Variants in CNTLN observed in about 807,000 individuals in gnomAD.
The protein encoded by CNTLN is centlein, also known as centlein, centrosomal protein.
CNTLN carries 212 observed loss-of-function variants against 180.0 expected under a neutral mutation model. The ratio of observed to expected loss-of-function variants is 1.18; its 90% CI spans 1.05 to 1.32. The LOEUF (loss-of-function observed/expected upper bound fraction) is 1.32, where lower values mean the gene tolerates loss of function less well. Ranked by LOEUF, CNTLN falls within the 40% of genes most tolerant of loss-of-function variation. The pLI is 0.00. For synonymous variants in CNTLN, 722 were observed against 563.1 expected (o/e 1.28, Z -3.99); for missense variants, 2,095 against 1,610.9 (o/e 1.30, Z -5.14).
Position 17,236,583 on chromosome 9 carries a change from A to G in CNTLN, c.844A>G (p.Ile282Val). The G allele has an allele frequency of 6.2e-7, 1 of 1,605,924 alleles. No individual in the cohort carries two copies. Among genetic ancestry groups the G allele is most frequent in the South Asian group, 1.1e-5 (1 of 89,604 alleles). ...AGAAAAATATAGCACTGATGCAAAA[A>G]TAAAGGTATACAATAGGAATGGAAT... ...RKEKYSTDAK[I>V]KTFEDNLIEA... Residue 282 changes from isoleucine (I) to valine (V), a missense_variant, in exon 5 of 26, where the codon ATA (isoleucine) becomes GTA (valine). Physicochemically the swap from Ile to Val is conservative, Grantham distance 29 (BLOSUM62 3). Transcript: ENST00000380647.
At chr9:17,414,935 C>A (rs1011272423) in intron 16 of CNTLN, among the ~76,000 whole-genome samples, 4 of 151,910 alleles carry the variant, frequency 2.6e-5, no homozygotes, top group African/African-American at 9.7e-5. Flanking sequence ...ACCAAAAATT[C>A]AAAAATTAGC....
intron 13 of CNTLN, among the ~76,000 whole-genome samples, chr9:17,375,729 T>TTA (rs1236731773): frequency 6.6e-6 from 1 of 151,494 alleles, no homozygotes; most frequent in Non-Finnish European, 1.5e-5. Flanking sequence ...AATCAAAATC[T>TTA]TAGAGTTAGA....
At chr9:17,526,494 A>T in the CNTLN span, among the ~76,000 whole-genome samples, 1 of 152,230 alleles carries the variant, frequency 6.6e-6, no homozygotes, top group African/African-American at 2.4e-5. Flanking sequence ...CCAAGTTAAA[A>T]GGAACATCTC....
chr9:17,263,073 GGGTACATGTGCACAACGTGCA>G (rs1384494519), intron 5 of CNTLN, among the ~76,000 whole-genome samples: 1 of 150,486 alleles, frequency 6.6e-6, no homozygotes. Context: ...TTAAGTTTTA[GGGTACATGTGCACAACGTGCA>G]GGTTTGTTAC....
intron 6 of CNTLN, among the ~76,000 whole-genome samples, chr9:17,290,593 C>T (rs1464224421): frequency 7.1e-6 from 1 of 140,820 alleles, no homozygotes; most frequent in Admixed American, 7.1e-5. Context: ...CAATGGCGGG[C>T]GCCCCTCCCC....
intron 5 of CNTLN, among the ~76,000 whole-genome samples, chr9:17,240,685 A>G (rs999900304): frequency 2.0e-5 from 3 of 152,050 alleles, no homozygotes; most frequent in Non-Finnish European, 4.4e-5. Context: ...TAGTTTGTAC[A>G]TATTGTCCCA....
At chr9:17,162,929 G>A (rs1250750063) in intron 2 of CNTLN, among the ~76,000 whole-genome samples, 1 of 152,118 alleles carries the variant, frequency 6.6e-6, no homozygotes, top group Admixed American at 6.6e-5. Flanking sequence ...GTTTTGATGA[G>A]GTATTAGTCT....
chr9:17,179,843 CTCTAAAG>C (rs71492904), intron 2 of CNTLN, among the ~76,000 whole-genome samples: 23,077 of 151,838 alleles, frequency 0.15, 2,397 homozygotes, highest in Non-Finnish European at 0.24. Flanking sequence ...TTATTTTGAG[CTCTAAAG>C]TCTAAAGTTG....
chr9:17,443,698 T>G (rs1239033843), intron 18 of CNTLN, among the ~76,000 whole-genome samples: 1 of 149,078 alleles, frequency 6.7e-6, no homozygotes, highest in East Asian at 1.9e-4. Context: ...TATGGTATAT[T>G]GAAATATTTC....
At chr9:17,217,340 A>G (rs1312129355) in intron 2 of CNTLN, among the ~76,000 whole-genome samples, 5 of 152,348 alleles carry the variant, frequency 3.3e-5, no homozygotes, top group East Asian at 3.9e-4. Flanking sequence ...ACGTAATTCA[A>G]CATTCCATGG....
chr9:17,451,646 C>T (rs1830785719), intron 18 of CNTLN, among the ~76,000 whole-genome samples: 3 of 152,148 alleles, frequency 2.0e-5, no homozygotes, highest in Admixed American at 1.3e-4. Flanking sequence ...CTCACCGTTG[C>T]TCCAGCATGG....
intron 2 of CNTLN, among the ~76,000 whole-genome samples, chr9:17,163,861 C>CTACAAAAAT (rs201508929): frequency 0.019 from 2,859 of 151,950 alleles, 58 homozygotes; most frequent in African/African-American, 0.05. Flanking sequence ...AACCCTGTCT[C>CTACAAAAAT]TACAAAAATT....
downstream of CNTLN, among the ~76,000 whole-genome samples, chr9:17,505,585 C>T (rs1184801572): frequency 4.6e-5 from 7 of 152,110 alleles, no homozygotes; most frequent in Middle Eastern, 3.4e-3. Context: ...GCAAAACATG[C>T]ATAGTACTTG....
chr9:17,440,445 C>T (rs141523697), intron 18 of CNTLN, among the ~76,000 whole-genome samples: 3,525 of 150,256 alleles, frequency 0.023, 175 homozygotes, highest in East Asian at 0.23. Flanking sequence ...AAAAATGAGC[C>T]GGGCGTAGTG....
chr9:17,427,201 G>A (rs78624047), intron 18 of CNTLN, among the ~76,000 whole-genome samples: 2,760 of 151,592 alleles, frequency 0.018, 80 homozygotes, highest in African/African-American at 0.063. Context: ...AGGTGCTACC[G>A]AACCTCCAGT....
intron 5 of CNTLN, among the ~76,000 whole-genome samples, chr9:17,249,874 G>A (rs771559997): frequency 6.8e-6 from 1 of 147,710 alleles, no homozygotes; most frequent in Non-Finnish European, 1.5e-5. Flanking sequence ...AGAGTATTTC[G>A]TATATGCCTT....
At chr9:17,464,361 A>C in intron 20 of CNTLN, 136 bp from the exon 21 acceptor site, 1 of 664,128 alleles carries the variant, frequency 1.5e-6, no homozygotes, top group Non-Finnish European at 2.5e-6. Context: ...AGTGCAATTC[A>C]TTTTACTGAT....
the CNTLN span, among the ~76,000 whole-genome samples, chr9:17,512,596 A>G: frequency 1.3e-5 from 2 of 151,974 alleles, no homozygotes; most frequent in Non-Finnish European, 2.9e-5. Flanking sequence ...CCAGCGTTAC[A>G]TAGTACATCC....
intron 13 of CNTLN, among the ~76,000 whole-genome samples, chr9:17,383,508 T>A (rs147286201): frequency 6.6e-6 from 1 of 151,906 alleles, no homozygotes; most frequent in Non-Finnish European, 1.5e-5. Flanking sequence ...AGCAGGACCC[T>A]GTCTTAAAAA....
Sources: allele counts gnomAD v4.1 joint callset (sites outside exome capture counted in the v4.1 genomes callset), GRCh38; gene constraint gnomAD v4.1.1; transcripts MANE v1.5; gene names NCBI Gene and HGNC (gene_info 2026-07-23, HGNC 2026-07-21).